CAP2: variants seen among roughly 807,000 people sequenced by gnomAD.
CAP2 encodes the protein adenylyl cyclase-associated protein 2.
A neutral mutation model predicts 57.7 loss-of-function variants in CAP2; 24 were observed. The observed-to-expected ratio is 0.42, with a 90% confidence interval of 0.30 to 0.58. CAP2 has a LOEUF of 0.58. Among genes scored for constraint, CAP2 ranks in the 20% least tolerant of loss-of-function variants. The pLI is 0.22. For synonymous variants in CAP2, 194 were observed against 207.2 expected, an observed-to-expected ratio of 0.94 and a Z score of 0.55; for missense variants, 501 against 590.3, an observed-to-expected ratio of 0.85 and a Z score of 1.57.
Position 17,551,463 on chromosome 6 carries a change from G to A in CAP2, c.1210-1G>A, listed in dbSNP as rs754569772. 56 of 1,592,858 alleles carry A rather than the reference G, an allele frequency of 3.5e-5. No individual in the cohort carries two copies. Among genetic ancestry groups the A allele is most frequent in the Non-Finnish European group, 4.8e-5 (56 of 1,169,960 alleles). ...GTCCCAGGTATTTTTTCCTATTTCA[G>A]GTAATGGGGAGAGTGCCAACAATTT... On this transcript the variant is annotated splice_acceptor_variant, in intron 11 of 12. Transcript: ENST00000229922. LOFTEE classifies it high-confidence loss of function.
At chr6:17,502,405 A>T (rs1761848650) in intron 4 of CAP2, among the ~76,000 whole-genome samples, 1 of 152,186 alleles carries the variant, frequency 6.6e-6, no homozygotes, top group Non-Finnish European at 1.5e-5. Context: ...ACTGGTGAAG[A>T]TAAGACTTCT....
intron 4 of CAP2, among the ~76,000 whole-genome samples, chr6:17,482,604 C>G (rs1296074963): frequency 6.6e-6 from 1 of 151,698 alleles, no homozygotes. Context: ...TCTGAGACTC[C>G]CTCCTGACTT....
intron 1 of CAP2, among the ~76,000 whole-genome samples, chr6:17,404,317 A>G (rs1268129785): frequency 2.0e-5 from 3 of 152,074 alleles, no homozygotes; most frequent in African/African-American, 7.2e-5. Context: ...TTAAAAATAC[A>G]AAAAATGGCT....
chr6:17,528,154 A>G (rs1762554876), intron 7 of CAP2, among the ~76,000 whole-genome samples: 1 of 152,166 alleles, frequency 6.6e-6, no homozygotes, highest in Non-Finnish European at 1.5e-5. Flanking sequence ...GTTTTGCCCA[A>G]CCGTGGACTA....
chr6:17,437,020 G>A (rs1404022734), intron 3 of CAP2, among the ~76,000 whole-genome samples: 2 of 152,120 alleles, frequency 1.3e-5, no homozygotes, highest in African/African-American at 4.8e-5. Context: ...ATCTGTCACT[G>A]TCTCCCATCA....
intron 3 of CAP2, among the ~76,000 whole-genome samples, chr6:17,444,843 C>CACACACACAA (rs1554123214): frequency 1.4e-5 from 2 of 139,738 alleles, no homozygotes; most frequent in Admixed American, 7.2e-5. Context: ...CACACACACA[C>CACACACACAA]AACACGAGTC....
chr6:17,423,447 C>T (rs1392619826), intron 2 of CAP2, among the ~76,000 whole-genome samples: 1 of 152,070 alleles, frequency 6.6e-6, no homozygotes, highest in Non-Finnish European at 1.5e-5. Flanking sequence ...TTCAATAAAC[C>T]TTATTTGTAA....
chr6:17,419,258 A>G (rs976671937), intron 1 of CAP2, among the ~76,000 whole-genome samples: 1 of 152,250 alleles, frequency 6.6e-6, no homozygotes, highest in African/African-American at 2.4e-5. Context: ...CAGCAGAAAC[A>G]TAAAATATTT....
intron 3 of CAP2, among the ~76,000 whole-genome samples, chr6:17,462,366 G>T (rs1760752247): frequency 6.6e-6 from 1 of 152,164 alleles, no homozygotes; most frequent in African/African-American, 2.4e-5. Flanking sequence ...TTGAAAACAA[G>T]TGCACTTTGG....
chr6:17,421,855 C>G (rs184424855), intron 2 of CAP2, among the ~76,000 whole-genome samples, 179 bp downstream of exon 2: 1 of 152,238 alleles, frequency 6.6e-6, no homozygotes, highest in South Asian at 2.1e-4. Flanking sequence ...GGAAGAAAAC[C>G]TTTCAACCCA....
At chr6:17,416,275 A>T (rs563854402) in intron 1 of CAP2, among the ~76,000 whole-genome samples, 53 of 152,272 alleles carry the variant, frequency 3.5e-4, no homozygotes, top group Non-Finnish European at 6.9e-4. Context: ...CATTGACCAG[A>T]TCTTCTAGAT....
In CAP2 at chr6:17,441,538, C is replaced by CAGT. The variant is rs1760073083; in HGVS notation, c.222+14851_222+14853dup. The stretch of plus-strand genomic sequence containing the variant: ...CACTCCTTTCGCCCAGGCTGGAGTG[C>CAGT]AGTAGCAAGATCAAGGCTCACTGCA... On this transcript the variant is annotated intron_variant, in intron 3 of 12. Transcript: ENST00000229922. Among the ~76,000 whole-genome samples the CAGT allele has an allele frequency of 2.0e-5, 3 of 151,582 alleles. No individual in the cohort carries two copies. The South Asian group carries it at 6.2e-4, about 31-fold the overall frequency.
At chr6:17,474,185 C>CTTTTTTTTTTTTTTTTTTTT (rs544909381) in intron 4 of CAP2, among the ~76,000 whole-genome samples, 7 of 93,210 alleles carry the variant, frequency 7.5e-5, no homozygotes, top group South Asian at 3.9e-4. Context: ...AAAAAACAGT[C>CTTTTTTTTTTTTTTTTTTTT]TTTTTTTTTT....
chr6:17,406,452 G>A (rs1301278916), intron 1 of CAP2, among the ~76,000 whole-genome samples: 1 of 140,782 alleles, frequency 7.1e-6, no homozygotes, highest in Non-Finnish European at 1.5e-5. Context: ...GGAGTGCAAG[G>A]GTGCAATCTC....
intron 1 of CAP2, among the ~76,000 whole-genome samples, chr6:17,410,868 G>T (rs1759127667): frequency 6.6e-6 from 1 of 151,980 alleles, no homozygotes; most frequent in South Asian, 2.1e-4. Context: ...CAGATTTAAT[G>T]GTTTTTAACT....
At chr6:17,525,192 C>G (rs1284408429) in intron 7 of CAP2, among the ~76,000 whole-genome samples, 1 of 152,090 alleles carries the variant, frequency 6.6e-6, no homozygotes, top group African/African-American at 2.4e-5. Context: ...CATGAGCCAC[C>G]ACACCTGGCC....
In CAP2 at chr6:17,393,722, A is replaced by G. The variant is rs1758595848; in HGVS notation, c.-26A>G. 6.6e-6 allele frequency: 1 copy of G among 152,076 alleles called. No homozygotes were observed. Among genetic ancestry groups the G allele is most frequent in the South Asian group, 2.1e-4 (1 of 4,820 alleles). The allele number at this position is 152,076 out of a possible 1,614,324, so 9.4% of individuals were successfully genotyped here. On this transcript the variant is annotated 5_prime_UTR_variant, in exon 1 of 13. Coordinates refer to ENST00000229922, the MANE Select transcript of CAP2 (RefSeq NM_006366.3). Reference sequence around the variant, plus strand: ...CGACCACGGATTTGCATTGCCGAGGACGGGACCCCAGGGCAGCGAAGCAGG... The same window carrying G: ...CGACCACGGATTTGCATTGCCGAGGGCGGGACCCCAGGGCAGCGAAGCAGG...
chr6:17,416,903 G>A (rs1287783060), intron 1 of CAP2, among the ~76,000 whole-genome samples: 3 of 152,066 alleles, frequency 2.0e-5, no homozygotes, highest in Non-Finnish European at 2.9e-5. Context: ...GACCAGCTTG[G>A]ACAACATACA....
chr6:17,424,337 T>A (rs1759526186), intron 2 of CAP2, among the ~76,000 whole-genome samples: 2 of 152,066 alleles, frequency 1.3e-5, no homozygotes, highest in Admixed American at 6.5e-5. Context: ...GAGGCGGAGC[T>A]TGCAGTGAGC....
Sources: gnomAD v4.1 joint callset for allele counts (sites outside exome capture counted in the v4.1 genomes callset) on GRCh38, gnomAD v4.1.1 for gene constraint, MANE v1.5 for transcripts, NCBI Gene and HGNC (gene_info 2026-07-23, HGNC 2026-07-21) for gene names.